PCNX2: variants seen among roughly 807,000 people sequenced by gnomAD.
The protein encoded by PCNX2 is pecanex-like protein 2.
PCNX2 carries 168 observed loss-of-function variants against 223.8 expected under a neutral mutation model. That is an observed-to-expected ratio of 0.75 (90% confidence interval 0.66 to 0.85). The LOEUF (loss-of-function observed/expected upper bound fraction) is 0.85, where lower values mean the gene tolerates loss of function less well. Among genes scored for constraint, PCNX2 ranks in the 40% least tolerant of loss-of-function variants. The pLI, the probability that PCNX2 is intolerant of heterozygous loss-of-function variation, is 0.00. For synonymous variants in PCNX2, 1,006 were observed against 1,052.6 expected (o/e 0.96, Z 0.86); for missense variants, 2,507 against 2,675.5 (o/e 0.94, Z 1.39).
intron 23 of PCNX2, among the ~76,000 whole-genome samples, chr1:233,063,967 G>A (rs923674909): frequency 7.3e-5 from 11 of 151,644 alleles, no homozygotes; most frequent in Non-Finnish European, 1.5e-4. Context: ...TAAGCCATTT[G>A]TTCCAATTTG....
At chr1:233,278,258 G>A (rs1661015000) in intron 1 of PCNX2, among the ~76,000 whole-genome samples, 1 of 152,212 alleles carries the variant, frequency 6.6e-6, no homozygotes, top group South Asian at 2.1e-4. Flanking sequence ...TCCACAAACA[G>A]TGGCAAGGGC....
At chr1:233,312,764 G>C in the PCNX2 span, among the ~76,000 whole-genome samples, 3 of 152,114 alleles carry the variant, frequency 2.0e-5, no homozygotes, top group Admixed American at 1.3e-4. Context: ...TTCATCCCCA[G>C]AGTACAAGGA....
rs538475429 is a variant in PCNX2 at position 233,257,974 on chromosome 1, A to C, written c.1834+54T>G. ...CAAATTACACAAGGCAAATGGCAAA[A>C]AGGTGTATTGCCTTCTATGTCATCA... On this transcript the variant is annotated intron_variant, in intron 5 of 33. Coordinates refer to ENST00000258229, the MANE Select transcript of PCNX2 (RefSeq NM_014801.4). The C allele has an allele frequency of 7.8e-5, 120 of 1,545,690 alleles. 2 individuals carry two copies. In the South Asian group the frequency reaches 1.2e-3, roughly 16 times the overall value.
intron 21 of PCNX2, chr1:233,112,722 CT>C: frequency 1.5e-6 from 1 of 687,634 alleles, no homozygotes; most frequent in Admixed American, 6.1e-5. Flanking sequence ...AACAATATAA[CT>C]AAATTCACAT....
chr1:233,181,863 G>A (rs201797097), intron 15 of PCNX2, among the ~76,000 whole-genome samples: 6 of 152,262 alleles, frequency 3.9e-5, no homozygotes, highest in Non-Finnish European at 5.9e-5. Context: ...CAAAGCCCTC[G>A]CCTCCAATAC....
Position 233,177,609 on chromosome 1 carries a change from C to T in PCNX2, c.3273+193G>A, listed in dbSNP as rs374411968. On this transcript the variant is annotated intron_variant, in intron 17 of 33. Transcript: ENST00000258229. ...TTTCAAGTGATATTCTTTACAGCAC[C>T]GGAGAGCAAGCGTTTCAAATAGGGC... Among the ~76,000 whole-genome samples, 50 of 152,278 alleles carry T rather than the reference C, an allele frequency of 3.3e-4. No homozygotes were observed. The East Asian group carries it at 8.1e-3, about 25-fold the overall frequency.
At chr1:233,004,612 G>T (rs1384169834) in intron 28 of PCNX2, among the ~76,000 whole-genome samples, 1 of 152,178 alleles carries the variant, frequency 6.6e-6, no homozygotes, top group Non-Finnish European at 1.5e-5. Context: ...GGATGAACAG[G>T]GCATGTGTGT....
chr1:233,309,537 T>G, the PCNX2 span, among the ~76,000 whole-genome samples: 2 of 87,034 alleles, frequency 2.3e-5, no homozygotes, highest in Non-Finnish European at 4.9e-5. Context: ...TGAGACTCCC[T>G]CAAAAAAATA....
intron 1 of PCNX2, among the ~76,000 whole-genome samples, chr1:233,283,103 A>G (rs1306094165): frequency 7.1e-6 from 1 of 141,534 alleles, no homozygotes; most frequent in Non-Finnish European, 1.5e-5. Context: ...TTATGGGAGT[A>G]GTAATTCGTG....
At chr1:233,123,357 G>A (rs1204382998) in intron 21 of PCNX2, among the ~76,000 whole-genome samples, 9 of 152,058 alleles carry the variant, frequency 5.9e-5, no homozygotes, top group African/African-American at 1.4e-4. Flanking sequence ...CGAGGTGGGC[G>A]GATCACGAGG....
chr1:233,180,385 C>A (rs1342435148), intron 15 of PCNX2, among the ~76,000 whole-genome samples: 1 of 152,202 alleles, frequency 6.6e-6, no homozygotes, highest in Non-Finnish European at 1.5e-5. Flanking sequence ...GGTGCTCCCA[C>A]CAACACAAAC....
At chr1:232,989,319 T>C (rs1011644322) in intron 32 of PCNX2, among the ~76,000 whole-genome samples, 3 of 152,062 alleles carry the variant, frequency 2.0e-5, no homozygotes, top group Admixed American at 6.6e-5. Flanking sequence ...CCAGGCGTGG[T>C]GGCGGGCACC....
At chr1:233,320,878 C>T in the PCNX2 span, among the ~76,000 whole-genome samples, 9 of 152,280 alleles carry the variant, frequency 5.9e-5, no homozygotes, top group Non-Finnish European at 1.2e-4. Context: ...TTGTTGAGCT[C>T]ATATTAGCAG....
At chr1:233,261,976 C>T in intron 3 of PCNX2, 69 bp downstream of exon 3, 4 of 1,590,760 alleles carry the variant, frequency 2.5e-6, no homozygotes, top group Non-Finnish European at 3.4e-6. Context: ...CTGCTGAACA[C>T]TCCCATTCTA....
intron 23 of PCNX2, among the ~76,000 whole-genome samples, chr1:233,069,879 G>A (rs1672775509): frequency 6.6e-6 from 1 of 151,848 alleles, no homozygotes; most frequent in African/African-American, 2.4e-5. Context: ...ATGAAATAAA[G>A]AGCAAAAATC....
chr1:233,106,384 G>A (rs116534055), intron 21 of PCNX2, among the ~76,000 whole-genome samples: 2,980 of 122,850 alleles, frequency 0.024, 37 homozygotes, highest in East Asian at 0.047. Flanking sequence ...ATGGAATCTC[G>A]CTGTGTTGCC....
chr1:233,261,383 G>A, intron 3 of PCNX2, 62 bp from the exon 4 acceptor site: 1 of 1,494,068 alleles, frequency 6.7e-7, no homozygotes, highest in Non-Finnish European at 9.3e-7. Flanking sequence ...TTTCCAGACA[G>A]TCGGCAATAA....
chr1:233,103,475 C>G (rs956682503), intron 21 of PCNX2, among the ~76,000 whole-genome samples: 2 of 152,090 alleles, frequency 1.3e-5, no homozygotes, highest in Admixed American at 6.6e-5. Flanking sequence ...CTTCTATTCT[C>G]TATCTCTAAG....
intron 15 of PCNX2, among the ~76,000 whole-genome samples, chr1:233,181,514 A>T (rs1438655617): frequency 6.6e-6 from 1 of 152,132 alleles, no homozygotes; most frequent in Non-Finnish European, 1.5e-5. Context: ...GACATCTTTA[A>T]CAAATAAAAA....
Sources: gnomAD v4.1 joint callset for allele counts (sites outside exome capture counted in the v4.1 genomes callset) on GRCh38, gnomAD v4.1.1 for gene constraint, MANE v1.5 for transcripts, NCBI Gene and HGNC (gene_info 2026-07-23, HGNC 2026-07-21) for gene names.